Variants in IKZF2 observed in about 807,000 individuals in gnomAD.
IKZF2 encodes the protein IKAROS family zinc finger 2.
IKZF2 carries 15 observed loss-of-function variants against 49.2 expected under a neutral mutation model. The ratio of observed to expected loss-of-function variants is 0.30; its 90% CI spans 0.20 to 0.47. The LOEUF is 0.47. Ranked by LOEUF, IKZF2 falls within the 20% of genes least tolerant of loss-of-function variation. The probability of loss-of-function intolerance (pLI) is 1.00; values close to 1 mark genes in which losing one functional copy is unlikely to be tolerated. For synonymous variants in IKZF2, 227 were observed against 221.4 expected, an observed-to-expected ratio of 1.03 and a Z score of -0.23; for missense variants, 567 against 664.6, an observed-to-expected ratio of 0.85 and a Z score of 1.61.
chr2:213,116,473 A>G (rs1165886770), intron 4 of IKZF2, among the ~76,000 whole-genome samples: 1 of 152,192 alleles, frequency 6.6e-6, no homozygotes, highest in Non-Finnish European at 1.5e-5. Flanking sequence ...AGTGGCTCAC[A>G]TCTGTAATCC....
At chr2:213,148,921 G>C (rs1272833207) in intron 2 of IKZF2, among the ~76,000 whole-genome samples, 1 of 152,134 alleles carries the variant, frequency 6.6e-6, no homozygotes, top group African/African-American at 2.4e-5. Flanking sequence ...AATTTATTGG[G>C]TTTAAGAAAA....
chr2:213,034,876 A>C (rs968494742), intron 6 of IKZF2, among the ~76,000 whole-genome samples: 3 of 152,190 alleles, frequency 2.0e-5, no homozygotes, highest in Admixed American at 6.5e-5. Context: ...AAGTGCAATA[A>C]AGTAAGGCAC....
chr2:213,106,611 A>G (rs76507583), intron 4 of IKZF2, among the ~76,000 whole-genome samples: 5,274 of 150,318 alleles, frequency 0.035, 334 homozygotes, highest in African/African-American at 0.12. Flanking sequence ...CTGCACTCCA[A>G]CCTGGGCGAC....
At chr2:213,069,128 C>G (rs1291529021) in intron 4 of IKZF2, among the ~76,000 whole-genome samples, 1 of 152,044 alleles carries the variant, frequency 6.6e-6, no homozygotes, top group South Asian at 2.1e-4. Context: ...AGTTTCCTCC[C>G]CATCTGGGAC....
At position 213,056,967 on chromosome 2, in the gene IKZF2, G is replaced by T. The variant is rs774958332; in HGVS notation, c.272C>A (p.Ala91Asp). Residue 91 changes from alanine (A) to aspartate (D), a missense_variant, in exon 5 of 9, where the codon GCT (alanine) becomes GAT (aspartate). Around this residue, in one of 5 missense-constraint regions of IKZF2, gnomAD observed 156 missense variants for 138.5 expected, o/e 1.13. Transcript: ENST00000434687. Reference protein sequence around the residue: ...EEPLIESSEVADNRKVQELQG... With the variant: ...EEPLIESSEVDDNRKVQELQG... ...AAGCTCCTGGACTTTCCTGTTGTCAGCCACCTCGCTGCTCTCAATTAGGGG... is the reference window on the plus strand; with the variant it reads ...AAGCTCCTGGACTTTCCTGTTGTCATCCACCTCGCTGCTCTCAATTAGGGG... 1 of 1,613,746 alleles carries T rather than the reference G, an allele frequency of 6.2e-7. No individual in the cohort carries two copies. The highest frequency in any genetic ancestry group is 8.5e-7 in the Non-Finnish European group (1 of 1,179,890).
At chr2:213,013,670 A>T (rs1408170433) in intron 8 of IKZF2, 121 bp downstream of exon 8, 10 of 874,224 alleles carry the variant, frequency 1.1e-5, no homozygotes, top group Non-Finnish European at 1.8e-5. Context: ...AATAATGAAG[A>T]AAAGAGATGG....
intron 5 of IKZF2, among the ~76,000 whole-genome samples, chr2:213,051,351 T>C (rs1366006439): frequency 6.6e-6 from 1 of 151,896 alleles, no homozygotes; most frequent in Non-Finnish European, 1.5e-5. Context: ...CAAAAAGGTG[T>C]AATCTGTGGG....
At chr2:213,050,944 TTAGAATAA>T (rs1237962793) in intron 5 of IKZF2, among the ~76,000 whole-genome samples, 2 of 152,040 alleles carry the variant, frequency 1.3e-5, no homozygotes, top group African/African-American at 4.8e-5. Context: ...AGCTCTAAGT[TTAGAATAA>T]AAAGAACATT....
chr2:213,019,387 A>C (rs1413894328), intron 7 of IKZF2, among the ~76,000 whole-genome samples: 2 of 152,178 alleles, frequency 1.3e-5, no homozygotes, highest in Non-Finnish European at 2.9e-5. Context: ...AAAAAGAGAC[A>C]TATGCCAAGC....
rs373888873 is a variant in IKZF2 at position 213,092,473 on chromosome 2, C to T, written c.140-35374G>A. On this transcript the variant is annotated intron_variant, in intron 4 of 8. Coordinates refer to ENST00000434687, the MANE Select transcript of IKZF2 (RefSeq NM_001387220.1). ...GAACTTCAGTCTACATACCATGCCA[C>T]GCAGAGAGTTGGTAAACCATAATTA... Among the ~76,000 whole-genome samples the T allele has an allele frequency of 5.5e-4, 83 of 152,254 alleles. 1 individual carries two copies. In the South Asian group the frequency reaches 0.016, roughly 30 times the overall value.
chr2:213,015,040 A>G (rs111320721), intron 7 of IKZF2: 1 of 152,060 alleles, frequency 6.6e-6, no homozygotes, highest in Non-Finnish European at 1.5e-5. Flanking sequence ...AGTCTCATTT[A>G]TAAGGGGATC....
chr2:213,060,894 G>A (rs564370208), intron 4 of IKZF2, among the ~76,000 whole-genome samples: 2 of 151,394 alleles, frequency 1.3e-5, no homozygotes, highest in African/African-American at 4.8e-5. Context: ...AAACTGTTAT[G>A]GTCAAGTTTA....
chr2:213,112,615 C>G (rs992071642), intron 4 of IKZF2, among the ~76,000 whole-genome samples: 1 of 152,076 alleles, frequency 6.6e-6, no homozygotes, highest in Non-Finnish European at 1.5e-5. Flanking sequence ...GTGCAAGCCA[C>G]TGGGCCCAGC....
At chr2:213,011,202 T>C (rs1695912786) in intron 8 of IKZF2, among the ~76,000 whole-genome samples, 1 of 151,912 alleles carries the variant, frequency 6.6e-6, no homozygotes. Context: ...AAAAAAATCA[T>C]TGAAAACAAG....
At chr2:213,055,972 A>G (rs1350090493) in intron 5 of IKZF2, among the ~76,000 whole-genome samples, 1 of 152,152 alleles carries the variant, frequency 6.6e-6, no homozygotes, top group Non-Finnish European at 1.5e-5. Flanking sequence ...AGTGAAAGCC[A>G]TCATTACCAT....
At chr2:213,035,586 C>G (rs184931844) in intron 6 of IKZF2, among the ~76,000 whole-genome samples, 2 of 152,256 alleles carry the variant, frequency 1.3e-5, no homozygotes, top group East Asian at 3.9e-4. Context: ...AATAAGGCAA[C>G]TATGCCAAGA....
intron 4 of IKZF2, among the ~76,000 whole-genome samples, chr2:213,079,076 G>A (rs1195766515): frequency 1.3e-5 from 2 of 152,100 alleles, no homozygotes; most frequent in South Asian, 2.1e-4. Context: ...GGGAGAAGGG[G>A]GAGAAGGTCT....
At chr2:213,070,088 G>GA (rs894704089) in intron 4 of IKZF2, among the ~76,000 whole-genome samples, 4 of 150,772 alleles carry the variant, frequency 2.7e-5, no homozygotes, top group Admixed American at 6.6e-5. Context: ...ACACTCAGAG[G>GA]AAAAAAAAAT....
At chr2:213,027,354 T>C (rs1379973530) in intron 6 of IKZF2, among the ~76,000 whole-genome samples, 3 of 152,142 alleles carry the variant, frequency 2.0e-5, no homozygotes, top group East Asian at 3.9e-4. Flanking sequence ...TACATTTCCT[T>C]TTTTGTGCAG....
Sources: allele counts gnomAD v4.1 joint callset (sites outside exome capture counted in the v4.1 genomes callset), GRCh38; gene constraint gnomAD v4.1.1; regional missense constraint gnomAD v4.1.1; transcripts MANE v1.5; gene names NCBI Gene and HGNC (gene_info 2026-07-23, HGNC 2026-07-21).